CENPI: variants seen among roughly 807,000 people sequenced by gnomAD.
CENPI encodes centromere protein I.
CENPI carries 4 observed loss-of-function variants against 60.4 expected under a neutral mutation model. The ratio of observed to expected loss-of-function variants is 0.07; its 90% CI spans 0.03 to 0.15. The LOEUF (loss-of-function observed/expected upper bound fraction) is 0.15, where lower values mean the gene tolerates loss of function less well. Among genes scored for constraint, CENPI ranks in the 10% least tolerant of loss-of-function variants. CENPI has a pLI of 1.00. For synonymous variants in CENPI, 157 were observed against 189.4 expected (o/e 0.83, Z 1.40); for missense variants, 444 against 534.5 (o/e 0.83, Z 1.67).
In CENPI at chrX:101,127,568, A is replaced by G; in HGVS notation, c.977A>G (p.Glu326Gly). The change falls in exon 11 of 22, where the codon GAG becomes GGG. Residue 326 changes from glutamate (E) to glycine (G), a missense_variant. Transcript: ENST00000682095. The part of the protein sequence containing the change: ...SSYTKECGKK[E>G]MSLSDCLNRS... Reference sequence around the variant, plus strand: ...TACACTAAAGAATGTGGAAAAAAAGAGATGAGTCTTTCTGATTGTCTGAAT... The same window carrying G: ...TACACTAAAGAATGTGGAAAAAAAGGGATGAGTCTTTCTGATTGTCTGAAT... 8.3e-7 allele frequency: 1 copy of G among 1,197,840 alleles called. No homozygotes were observed. The highest frequency in any genetic ancestry group is 1.1e-6 in the Non-Finnish European group (1 of 883,963).
Position 101,126,914 on chromosome X carries a change from T to C in CENPI, c.777+116T>C, listed in dbSNP as rs2089742135. On this transcript the variant is annotated intron_variant, in intron 9 of 21. Transcript: ENST00000682095. ...AGCCTACTGTTTTACTGTCTAGTAT[T>C]GTGGTACTGTTTTGGGAAAGTTTTT... 7 of 736,511 alleles carry C rather than the reference T, an allele frequency of 9.5e-6. No homozygotes were observed. In the East Asian group the frequency reaches 9.7e-5, roughly 10 times the overall value. 60.7% of individuals were successfully genotyped at this position (736,511 alleles called of 1,213,427 possible). A position where few individuals can be genotyped will look rare whatever the true frequency, so the allele number is the denominator to read the frequency against.
chrX:101,178,238 G>A, the CENPI span, among the ~76,000 whole-genome samples: 1 of 110,342 alleles, frequency 9.1e-6, no homozygotes, highest in South Asian at 3.9e-4. Context: ...GGTGTTTCCT[G>A]TCACTTCTCT....
At chrX:101,117,004 G>T (rs966203737) in intron 6 of CENPI, among the ~76,000 whole-genome samples, 2 of 110,956 alleles carry the variant, frequency 1.8e-5, no homozygotes, top group East Asian at 5.6e-4. Flanking sequence ...TGTCTCTTAG[G>T]ATCCTTTGCC....
At chrX:101,123,295 C>G (rs149244319) in intron 8 of CENPI, among the ~76,000 whole-genome samples, 2,102 of 111,932 alleles carry the variant, frequency 0.019, 43 homozygotes, top group African/African-American at 0.065. Flanking sequence ...CCCCATAGCT[C>G]CCAATCTATG....
intron 4 of CENPI, among the ~76,000 whole-genome samples, chrX:101,105,294 G>A (rs1018176927): frequency 5.4e-5 from 6 of 111,589 alleles, no homozygotes; most frequent in Non-Finnish European, 1.1e-4. Flanking sequence ...GGAGGCCGAG[G>A]TGGGCGGATC....
At chrX:101,181,721 C>T in the CENPI span, among the ~76,000 whole-genome samples, 6 of 111,767 alleles carry the variant, frequency 5.4e-5, no homozygotes, top group Admixed American at 5.7e-4. Context: ...ATCATGTCAT[C>T]TGTGAATAGA....
intron 15 of CENPI, among the ~76,000 whole-genome samples, chrX:101,135,854 G>A (rs958602213): frequency 1.8e-5 from 2 of 111,179 alleles, no homozygotes; most frequent in Non-Finnish European, 3.8e-5. Flanking sequence ...CCCAGTAGCT[G>A]GGATAACAGG....
chrX:101,175,580 G>T, the CENPI span, among the ~76,000 whole-genome samples: 1 of 112,084 alleles, frequency 8.9e-6, no homozygotes, highest in South Asian at 3.7e-4. Flanking sequence ...CTGAAGGAAA[G>T]AGCTGAAGGA....
intron 20 of CENPI, among the ~76,000 whole-genome samples, chrX:101,149,285 A>G (rs1029077594): frequency 9.0e-6 from 1 of 111,609 alleles, no homozygotes; most frequent in African/African-American, 3.3e-5. Flanking sequence ...TCATTGTAGC[A>G]TGAAAGCAGC....
chrX:101,101,104 G>A lies in CENPI; in HGVS notation c.34G>A (p.Ala12Thr). The A allele has an allele frequency of 8.3e-7, 1 of 1,210,394 alleles. No homozygotes were observed. Among genetic ancestry groups the A allele is most frequent in the Non-Finnish European group, 1.1e-6 (1 of 894,423 alleles). The change falls in exon 3 of 22, where the codon GCA (alanine) becomes ACA (threonine). Residue 12 changes from alanine to threonine, a missense_variant. Transcript: ENST00000682095. ...SPQKRVKNVQ[A>T]QNRTSQGSSS... ...TCAAAAGAGAGTTAAGAACGTCCAG[G>A]CACAAAACAGGACTTCACAAGGTAG...
intron 20 of CENPI, among the ~76,000 whole-genome samples, chrX:101,161,217 G>A (rs1423493621): frequency 8.9e-6 from 1 of 111,994 alleles, no homozygotes; most frequent in Non-Finnish European, 1.9e-5. Flanking sequence ...TTGAACTCCT[G>A]GTCTCAAGAG....
At chrX:101,179,807 A>G in the CENPI span, among the ~76,000 whole-genome samples, 1 of 112,687 alleles carries the variant, frequency 8.9e-6, no homozygotes, top group African/African-American at 3.2e-5. Flanking sequence ...GGCGTGAGCC[A>G]CTGCACCCGG....
At chrX:101,125,954 G>A (rs1218859007) in intron 8 of CENPI, among the ~76,000 whole-genome samples, 5 of 111,807 alleles carry the variant, frequency 4.5e-5, no homozygotes, top group Non-Finnish European at 9.4e-5. Flanking sequence ...CAGAGGTTAG[G>A]AGATATTTTC....
the CENPI span, among the ~76,000 whole-genome samples, chrX:101,173,642 A>G: frequency 1.0e-3 from 114 of 111,242 alleles, no homozygotes; most frequent in Non-Finnish European, 1.8e-3. Flanking sequence ...TAGAAATACA[A>G]AAGATCCTCA....
intron 6 of CENPI, among the ~76,000 whole-genome samples, chrX:101,110,832 G>C (rs1207214329): frequency 8.9e-6 from 1 of 111,935 alleles, no homozygotes; most frequent in African/African-American, 3.2e-5. Flanking sequence ...CAGGAAGGAA[G>C]AAAGCACTGT....
At chrX:101,142,376 T>C (rs1284681490) in intron 16 of CENPI, among the ~76,000 whole-genome samples, 1 of 112,349 alleles carries the variant, frequency 8.9e-6, no homozygotes, top group Non-Finnish European at 1.9e-5. Context: ...TATCAATATT[T>C]GGCATTATAT....
At position 101,144,263 on chromosome X, in the gene CENPI, A is replaced by C. The variant is rs956400110; in HGVS notation, c.1566-801A>C. ...ACACCTGGCTAATTTTTGTATTTTT[A>C]GTAGAGACAGGGTTTCACCATGTTG... On this transcript the variant is annotated intron_variant, in intron 16 of 21. Transcript: ENST00000682095. Among the ~76,000 whole-genome samples, 4 of 107,670 alleles carry C rather than the reference A, an allele frequency of 3.7e-5. No individual in the cohort carries two copies. In the East Asian group the frequency reaches 1.2e-3, roughly 31 times the overall value. 93.5% of individuals were successfully genotyped at this position (107,670 alleles called of 115,157 possible).
At position 101,146,377 on chromosome X, in the gene CENPI, G is replaced by C. The variant is rs144248788; in HGVS notation, c.1826+100G>C. The C allele has an allele frequency of 1.1e-3, 938 of 844,022 alleles. 6 individuals carry two copies. The African/African-American group carries it at 0.016, about 15-fold the overall frequency. The allele number at this position is 844,022 out of a possible 1,213,427, so 69.6% of individuals were successfully genotyped here. ...AATATTCCTACTCGTCTTCTGCCAG[G>C]GCCTCTGGAAATAGGAAATGTGGCT... On this transcript the variant is annotated intron_variant, in intron 18 of 21. Coordinates refer to ENST00000682095, the MANE Select transcript of CENPI (RefSeq NM_001386188.2).
Position 101,163,999 on chromosome X carries a change from C to T in CENPI, c.*1032C>T, listed in dbSNP as rs2090131930. Among the ~76,000 whole-genome samples, 1 of 97,956 alleles carries T rather than the reference C, an allele frequency of 1.0e-5. No homozygotes were observed. Among genetic ancestry groups the T allele is most frequent in the Admixed American group, 1.1e-4 (1 of 8,867 alleles). 85.1% of individuals were successfully genotyped at this position (97,956 alleles called of 115,157 possible). A position where few individuals can be genotyped will look rare whatever the true frequency, so the allele number is the denominator to read the frequency against. Reference sequence around the variant, plus strand: ...GCAGTGAGCCAAGATCGCGCCACTGCACTCCAGCGAGACTCTGTCTCAAAA... The same window carrying T: ...GCAGTGAGCCAAGATCGCGCCACTGTACTCCAGCGAGACTCTGTCTCAAAA... On this transcript the variant is annotated 3_prime_UTR_variant, in exon 22 of 22. Coordinates refer to ENST00000682095, the MANE Select transcript of CENPI (RefSeq NM_001386188.2).
Sources: allele counts gnomAD v4.1 joint callset (sites outside exome capture counted in the v4.1 genomes callset), GRCh38; gene constraint gnomAD v4.1.1; transcripts MANE v1.5; gene names NCBI Gene and HGNC (gene_info 2026-07-23, HGNC 2026-07-21).